The following TMEM59L variants were observed in gnomAD, a reference collection of about 807,000 sequenced individuals.
TMEM59L encodes the protein transmembrane protein 59-like.
A neutral mutation model predicts 39.6 loss-of-function variants in TMEM59L; 31 were observed. That is an observed-to-expected ratio of 0.78 (90% CI 0.59 to 1.06). TMEM59L has a LOEUF of 1.06. Ranked by LOEUF, TMEM59L falls within the 50% of genes least tolerant of loss-of-function variation. The pLI is 0.00. For missense variants in TMEM59L, 441 were observed against 451.3 expected (o/e 0.98, Z 0.21); for synonymous variants, 219 against 202.9 (o/e 1.08, Z -0.68).
chr19:18,614,169 C>A lies in TMEM59L; in HGVS notation c.382C>A (p.Pro128Thr). ...CTGTAGCCACGGCTGCTGGAGCCAG[C>A]CCGCGGAGCCTGAGCCGGAGCAGAA... ...QACSHGCWSQPAEPEPEQKRK... is the reference protein window; with the variant it reads ...QACSHGCWSQTAEPEPEQKRK... Residue 128 changes from proline (P) to threonine (T), a missense_variant, in exon 3 of 8, where the codon CCC becomes ACC. Transcript: ENST00000262817. 1 of 1,605,876 alleles carries A rather than the reference C, an allele frequency of 6.2e-7. No individual in the cohort carries two copies. The highest frequency in any genetic ancestry group is 8.5e-7 in the Non-Finnish European group (1 of 1,177,604).
At chr19:18,620,163 G>A (rs906136537) in intron 7 of TMEM59L, among the ~76,000 whole-genome samples, 11 of 151,908 alleles carry the variant, frequency 7.2e-5, no homozygotes, top group South Asian at 2.1e-4. Flanking sequence ...TTAGCTGGGC[G>A]TGGTGGCGTG....
intron 3 of TMEM59L, 63 bp from the exon 4 acceptor site, chr19:18,615,912 C>T: frequency 6.4e-7 from 1 of 1,571,356 alleles, no homozygotes; most frequent in African/African-American, 1.3e-5. Context: ...CCTGCCCCCT[C>T]CCATTCATTG....
At position 18,614,094 on chromosome 19, in the gene TMEM59L, C is replaced by T; in HGVS notation, c.317-10C>T. ...GGCCGTCCCCAGTCACCCGCTCCCA[C>T]CTCCCACAGCCTGCGTGGAAGCCTA... On this transcript the variant is annotated splice_polypyrimidine_tract_variant and intron_variant, in intron 2 of 7. Transcript: ENST00000262817. 6.2e-7 allele frequency: 1 copy of T among 1,612,232 alleles called. No homozygotes were observed. The highest frequency in any genetic ancestry group is 8.5e-7 in the Non-Finnish European group (1 of 1,179,692).
rs201610554 is a variant in TMEM59L at position 18,614,109 on chromosome 19, G to C, written c.322G>C (p.Val108Leu). The C allele has an allele frequency of 6.2e-6, 10 of 1,612,130 alleles. No homozygotes were observed. The East Asian group carries it at 6.7e-5, about 11-fold the overall frequency. The change falls in exon 3 of 8, where the codon GTG becomes CTG. Residue 108 changes from valine (V) to leucine (L), a missense_variant. Coordinates refer to ENST00000262817, the MANE Select transcript of TMEM59L (RefSeq NM_012109.3). ...ATQTECEAAC[V>L]EAYVKEAEQQ... ...CCCGCTCCCACCTCCCACAGCCTGC[G>C]TGGAAGCCTATGTGAAGGAGGCAGA... is the stretch of plus-strand genomic sequence containing the variant.
In TMEM59L at chr19:18,613,887, G is replaced by C. The variant is rs1976398419; in HGVS notation, c.187G>C (p.Ala63Pro). Residue 63 changes from alanine (A) to proline (P), a missense_variant, in exon 2 of 8, where the codon GCC (alanine) becomes CCC (proline). Transcript: ENST00000262817. ...PQPSQAGLEG[A>P]SESPYDRAVL... ...CCTCCCCCAGGCGGGGCTGGAGGGC[G>C]CCTCCGAGTCTCCCTATGACAGAGC... The C allele has an allele frequency of 6.2e-7, 1 of 1,611,474 alleles. No homozygotes were observed. Among genetic ancestry groups the C allele is most frequent in the South Asian group, 1.1e-5 (1 of 91,058 alleles).
Position 18,616,006 on chromosome 19 carries a change from TC to T in TMEM59L, c.441del (p.Ser148ProfsTer44). On this transcript the variant is annotated frameshift_variant, in exon 4 of 8. Coordinates refer to ENST00000262817, the MANE Select transcript of TMEM59L (RefSeq NM_012109.3). LOFTEE classifies it high-confidence loss of function. ...GTCCTGGAGGCTCCAAGTGGGGCCC[TC>T]TCCCTCTTGGACTTGTTTTCCACCC... ...RKVLEAPSGA[L>X]SLLDLFSTLC... is the part of the protein sequence containing the mutation. 1.2e-6 allele frequency: 2 copies of T among 1,614,062 alleles called. No homozygotes were observed. Among genetic ancestry groups the T allele is most frequent in the Non-Finnish European group, 1.7e-6 (2 of 1,179,984 alleles).
At chr19:18,618,130 C>CG in intron 5 of TMEM59L, 25 bp from the exon 6 acceptor site, 2 of 1,577,152 alleles carry the variant, frequency 1.3e-6, no homozygotes, top group South Asian at 2.2e-5. Context: ...ACCTGGTGGT[C>CG]GCTGAGTGGC....
Position 18,613,885 on chromosome 19 carries a change from G to GCGCCTC in TMEM59L, c.188_193dup (p.Ala63_Ser64dup). 1 of 1,611,616 alleles carries GCGCCTC rather than the reference G, an allele frequency of 6.2e-7. No individual in the cohort carries two copies. Among genetic ancestry groups the GCGCCTC allele is most frequent in the Non-Finnish European group, 8.5e-7 (1 of 1,179,594 alleles). ...CCCCTCCCCCAGGCGGGGCTGGAGG[G>GCGCCTC]CGCCTCCGAGTCTCCCTATGACAGA... is the stretch of plus-strand genomic sequence containing the variant. On this transcript the variant is annotated inframe_insertion, in exon 2 of 8. Coordinates refer to ENST00000262817, the MANE Select transcript of TMEM59L (RefSeq NM_012109.3).
rs1189454584 is a variant in TMEM59L, at chr19:18,618,381, G to C, written c.789G>C (p.Ser263=). The stretch of plus-strand genomic sequence containing the variant: ...TGCCTGCCGGGCGGGGCAGGCGCTC[G>C]GGTCTGCCTCGCTGGATCCTGGCCT... The part of the protein sequence containing the change: ...NDFLSCMSRR[S]GLPRWILACC... Residue 263 remains serine, a synonymous_variant, in exon 7 of 8, where the codon TCG becomes TCC. Transcript: ENST00000262817. 30 of 1,604,930 alleles carry C rather than the reference G, an allele frequency of 1.9e-5. No individual in the cohort carries two copies. The highest frequency in any genetic ancestry group is 2.5e-5 in the Non-Finnish European group (30 of 1,178,320).
chr19:18,615,583 C>T (rs180776823), intron 3 of TMEM59L, among the ~76,000 whole-genome samples: 2 of 152,304 alleles, frequency 1.3e-5, no homozygotes, highest in East Asian at 1.9e-4. Context: ...AGTGAATTCT[C>T]CTAGCTCCTC....
chr19:18,613,881 G>A lies in TMEM59L; in HGVS notation c.181G>A (p.Glu61Lys). 6.2e-7 allele frequency: 1 copy of A among 1,611,472 alleles called. No individual in the cohort carries two copies. The highest frequency in any genetic ancestry group is 8.5e-7 in the Non-Finnish European group (1 of 1,179,552). ...TCCTCCCCTCCCCCAGGCGGGGCTG[G>A]AGGGCGCCTCCGAGTCTCCCTATGA... ...LGPQPSQAGL[E>K]GASESPYDRA... is the part of the protein sequence containing the mutation. The change falls in exon 2 of 8, where the codon GAG becomes AAG. Residue 61 changes from glutamate (E) to lysine (K), a missense_variant. Glu to Lys is a moderately conservative substitution (Grantham distance 56). Transcript: ENST00000262817.
chr19:18,613,821 C>T (rs1976396799), intron 1 of TMEM59L, 51 bp from the exon 2 acceptor site: 3 of 1,468,614 alleles, frequency 2.0e-6, no homozygotes, highest in Non-Finnish European at 2.8e-6. Flanking sequence ...TCCCCCCACC[C>T]TCCTCCTGCC....
chr19:18,618,094 A>G (rs1170914583), intron 5 of TMEM59L, 61 bp from the exon 6 acceptor site: 1 of 1,288,018 alleles, frequency 7.8e-7, no homozygotes, highest in East Asian at 2.3e-5. Flanking sequence ...CCTCCTGGTC[A>G]TGGTTATTGT....
At chr19:18,614,268 A>C in intron 3 of TMEM59L, 73 bp downstream of exon 3, 2 of 1,486,832 alleles carry the variant, frequency 1.3e-6, no homozygotes, top group Non-Finnish European at 1.8e-6. Context: ...GGAAATCTTC[A>C]TTCACGTGCA....
chr19:18,614,236 C>T (rs1021328091), intron 3 of TMEM59L, 41 bp downstream of exon 3: 2 of 1,535,208 alleles, frequency 1.3e-6, no homozygotes, highest in Admixed American at 1.9e-5. Context: ...TTTCCCAATA[C>T]CCCCACCCTC....
Position 18,615,962 on chromosome 19 carries a change from C to CT in TMEM59L, c.409-7dup. The CT allele has an allele frequency of 6.2e-7, 1 of 1,611,750 alleles. No homozygotes were observed. On this transcript the variant is annotated splice_polypyrimidine_tract_variant and intron_variant, in intron 3 of 7. Transcript: ENST00000262817. ...TCGGTGCCATCTTTGTGTCTTGGAC[C>CT]TTTTTTCACCAGAGAAAGGTCCTGG...
chr19:18,617,958 T>C, intron 5 of TMEM59L, 197 bp from the exon 6 acceptor site: 1 of 617,086 alleles, frequency 1.6e-6, no homozygotes, highest in Non-Finnish European at 2.9e-6. Flanking sequence ...CCCCCAGGGT[T>C]GCATGGTTCA....
rs1251172331 is a variant in TMEM59L at position 18,618,213 on chromosome 19, C to G, written c.723C>G (p.Ser241Arg). 1 of 1,610,136 alleles carries G rather than the reference C, an allele frequency of 6.2e-7. No homozygotes were observed. The highest frequency in any genetic ancestry group is 1.7e-5 in the Admixed American group (1 of 58,738). Residue 241 changes from serine (S) to arginine (R), a missense_variant, in exon 6 of 8, where the codon AGC becomes AGG. Physicochemically the swap from Ser to Arg is moderately radical, Grantham distance 110. Transcript: ENST00000262817. Reference protein sequence around the residue: ...RKAKIRVKTSSKAKVESEEPQ... With the variant: ...RKAKIRVKTSRKAKVESEEPQ... The stretch of plus-strand genomic sequence containing the variant: ...CCAAGATCCGAGTCAAGACCAGCAG[C>G]AAGGCCAAGGTGGAGTCTGAAGAGC...
Position 18,618,485 on chromosome 19 carries a change from A to C in TMEM59L, c.893A>C (p.Lys298Thr). The change falls in exon 7 of 8, where the codon AAG (lysine) becomes ACG (threonine). Residue 298 changes from lysine (K) to threonine (T), a missense_variant. Transcript: ENST00000262817. ...GTGACCGCGCCTGGCCAGCACCTCA[A>C]GTTCCAGGTGGGTGGGATCTGTGAA... ...TLVTAPGQHL[K>T]FQPLTLEQHK... The C allele has an allele frequency of 6.2e-7, 1 of 1,602,322 alleles. No homozygotes were observed. The highest frequency in any genetic ancestry group is 8.5e-7 in the Non-Finnish European group (1 of 1,177,018).
Sources: gnomAD v4.1 joint callset for allele counts (sites outside exome capture counted in the v4.1 genomes callset) on GRCh38, gnomAD v4.1.1 for gene constraint, MANE v1.5 for transcripts, NCBI Gene and HGNC (gene_info 2026-07-23, HGNC 2026-07-21) for gene names.